The following FAM184A variants were observed in gnomAD, a reference collection of about 807,000 sequenced individuals.
FAM184A encodes family with sequence similarity 184 member A, also known as protein FAM184A.
Under a neutral mutation model 143.8 loss-of-function variants are expected in FAM184A, and 99 were observed. The observed-to-expected ratio is 0.69, with a 90% CI of 0.58 to 0.81. FAM184A has a LOEUF of 0.81. Ranked by LOEUF, FAM184A falls within the 40% of genes least tolerant of loss-of-function variation. The probability of loss-of-function intolerance (pLI) is 0.00; values close to 1 mark genes in which losing one functional copy is unlikely to be tolerated. For missense variants in FAM184A, 1,217 were observed against 1,310.5 expected (o/e 0.93, Z 1.10); for synonymous variants, 427 against 446.4 (o/e 0.96, Z 0.55).
At chr6:119,081,832 G>A (rs567220172), upstream of FAM184A, among the ~76,000 whole-genome samples, 3 of 152,238 alleles carry the variant, frequency 2.0e-5, no homozygotes, top group South Asian at 2.1e-4. Context: ...TGCTCTCAAC[G>A]TCCAGCTGCC....
At chr6:118,997,073 T>A (rs1040851189) in intron 9 of FAM184A, among the ~76,000 whole-genome samples, 1 of 151,672 alleles carries the variant, frequency 6.6e-6, no homozygotes, top group Admixed American at 6.6e-5. Flanking sequence ...TACCTCAGAA[T>A]CTACTTCCAT....
In FAM184A at chr6:119,045,286, T is replaced by C. The variant is rs1582548633; in HGVS notation, c.160-20473A>G. On this transcript the variant is annotated intron_variant, in intron 1 of 17. Transcript: ENST00000338891. ...TGCTAAAACAGTATAACTATCAGTTTCTCAATTTTTTTTTTTTTTTTGCCA... is the reference window on the plus strand; with the variant it reads ...TGCTAAAACAGTATAACTATCAGTTCCTCAATTTTTTTTTTTTTTTTGCCA... Among the ~76,000 whole-genome samples, 8 of 100,492 alleles carry C rather than the reference T, an allele frequency of 8.0e-5. No homozygotes were observed. The South Asian group carries it at 3.4e-3, about 43-fold the overall frequency. 65.9% of individuals were successfully genotyped at this position (100,492 alleles called of 152,430 possible). A position where few individuals can be genotyped will look rare whatever the true frequency, so the allele number is the denominator to read the frequency against.
intron 9 of FAM184A, among the ~76,000 whole-genome samples, chr6:118,993,382 AAAAC>A (rs2114616487): frequency 6.6e-6 from 1 of 152,378 alleles, no homozygotes; most frequent in South Asian, 2.1e-4. Context: ...TGGTACATAA[AAAAC>A]AATGTTCTTA....
At chr6:119,147,109 G>C (rs188776834) in intron 1 of FAM184A, among the ~76,000 whole-genome samples, 1 of 136,864 alleles carries the variant, frequency 7.3e-6, no homozygotes, top group Non-Finnish European at 1.5e-5. Flanking sequence ...CCTACAAAAT[G>C]TGCCACCCTA....
chr6:119,011,386 C>T lies in FAM184A; in HGVS notation c.1576G>A (p.Asp526Asn). ...HNKDKLNLEEDKNQLQQELEN... is the reference protein window; with the variant it reads ...HNKDKLNLEENKNQLQQELEN... ...AGCTCTTGTTGAAGCTGATTTTTAT[C>T]CTCTTCCAGGTTTAGTTTATCTTTG... is the stretch of plus-strand genomic sequence containing the variant. The change falls in exon 6 of 18, where the codon GAT becomes AAT. Residue 526 changes from aspartate (D) to asparagine (N), a missense_variant. By Grantham distance (23) the Asp-to-Asn change is conservative. Coordinates refer to ENST00000338891, the MANE Select transcript of FAM184A (RefSeq NM_024581.6). 6.3e-7 allele frequency: 1 copy of T among 1,581,772 alleles called. No individual in the cohort carries two copies. Among genetic ancestry groups the T allele is most frequent in the Non-Finnish European group, 8.6e-7 (1 of 1,160,356 alleles).
At chr6:119,125,346 G>C (rs917760323) in intron 1 of FAM184A, among the ~76,000 whole-genome samples, 1 of 152,082 alleles carries the variant, frequency 6.6e-6, no homozygotes, top group Non-Finnish European at 1.5e-5. Context: ...GCGTGGCTTG[G>C]CTCACTGCAA....
intron 14 of FAM184A, 78 bp from the exon 15 acceptor site, chr6:118,967,030 T>C: frequency 1.5e-6 from 1 of 683,264 alleles, no homozygotes; most frequent in East Asian, 2.7e-5. Flanking sequence ...AAAAAATTAG[T>C]CTAGTTGAAC....
At chr6:119,141,255 T>A in intron 1 of FAM184A, among the ~76,000 whole-genome samples, 1 of 152,198 alleles carries the variant, frequency 6.6e-6, no homozygotes, top group East Asian at 1.9e-4. Flanking sequence ...CTGGTGTTGA[T>A]CTTACAGCAA....
At chr6:119,090,744 G>GA (rs1411805550) in intron 1 of FAM184A, among the ~76,000 whole-genome samples, 1 of 152,144 alleles carries the variant, frequency 6.6e-6, no homozygotes, top group Non-Finnish European at 1.5e-5. Flanking sequence ...ACCCATTCCA[G>GA]ATTTTTTTTA....
intron 1 of FAM184A, among the ~76,000 whole-genome samples, chr6:119,138,841 G>C (rs922885067): frequency 6.6e-6 from 1 of 152,132 alleles, no homozygotes; most frequent in South Asian, 2.1e-4. Context: ...TGGTCAGGCT[G>C]GTCTTGAACT....
intron 13 of FAM184A, 79 bp from the exon 14 acceptor site, chr6:118,974,653 G>A: frequency 7.9e-7 from 1 of 1,260,804 alleles, no homozygotes; most frequent in Non-Finnish European, 1.1e-6. Flanking sequence ...TACCAGATTT[G>A]AAATGGTTTT....
At chr6:118,977,902 A>G (rs1783894112) in intron 11 of FAM184A, among the ~76,000 whole-genome samples, 1 of 152,216 alleles carries the variant, frequency 6.6e-6, no homozygotes, top group Non-Finnish European at 1.5e-5. Flanking sequence ...CAATTATTTC[A>G]AAATAAAAGT....
intron 1 of FAM184A, among the ~76,000 whole-genome samples, chr6:119,053,428 G>C (rs1786841956): frequency 6.6e-6 from 1 of 152,154 alleles, no homozygotes; most frequent in Non-Finnish European, 1.5e-5. Context: ...TTATAGCTCT[G>C]TTCTTAGGTC....
intron 9 of FAM184A, among the ~76,000 whole-genome samples, chr6:118,988,476 A>G (rs1008281187): frequency 2.0e-5 from 3 of 152,196 alleles, no homozygotes; most frequent in Non-Finnish European, 4.4e-5. Flanking sequence ...AAGCTACAAG[A>G]TAACTATTCA....
intron 4 of FAM184A, among the ~76,000 whole-genome samples, chr6:119,017,740 T>C (rs139920472): frequency 4.9e-4 from 75 of 152,290 alleles, no homozygotes; most frequent in Middle Eastern, 6.8e-3. Flanking sequence ...CCAGATCTCA[T>C]GTTGAAATGT....
At chr6:119,104,904 CA>C (rs140821641) in intron 1 of FAM184A, among the ~76,000 whole-genome samples, 32,149 of 151,998 alleles carry the variant, frequency 0.21, 3,740 homozygotes, top group Non-Finnish European at 0.26. Context: ...ATGAAAATAG[CA>C]GTTGATTTCT....
chr6:119,129,709 T>C (rs1789479666), intron 1 of FAM184A, among the ~76,000 whole-genome samples: 1 of 127,200 alleles, frequency 7.9e-6, no homozygotes. Flanking sequence ...ATTTTTGTGT[T>C]TTGTGTGTGT....
chr6:119,148,407 G>T (rs1772527766), intron 1 of FAM184A, among the ~76,000 whole-genome samples: 1 of 152,182 alleles, frequency 6.6e-6, no homozygotes, highest in South Asian at 2.1e-4. Flanking sequence ...TGATGAAAGT[G>T]TTGCGTATGA....
chr6:119,135,302 C>T (rs1251548527), intron 1 of FAM184A, among the ~76,000 whole-genome samples: 3 of 151,792 alleles, frequency 2.0e-5, no homozygotes, highest in Non-Finnish European at 2.9e-5. Context: ...TGGTCAATAC[C>T]CAATACAGAA....
Sources: gnomAD v4.1 joint callset for allele counts (sites outside exome capture counted in the v4.1 genomes callset) on GRCh38, gnomAD v4.1.1 for gene constraint, MANE v1.5 for transcripts, NCBI Gene and HGNC (gene_info 2026-07-23, HGNC 2026-07-21) for gene names.